ATP9A: variants seen among roughly 807,000 people sequenced by gnomAD.
The protein encoded by ATP9A is ATPase phospholipid transporting 9A.
In ATP9A, 52 loss-of-function variants were observed where a neutral mutation model predicts 144.1. The observed-to-expected ratio is 0.36, with a 90% CI of 0.29 to 0.45. The LOEUF (loss-of-function observed/expected upper bound fraction) is 0.45, where lower values mean the gene tolerates loss of function less well. Ranked by LOEUF, ATP9A falls within the 20% of genes least tolerant of loss-of-function variation. The pLI is 1.00. For missense variants in ATP9A, 947 were observed against 1,392.7 expected (o/e 0.68, Z 5.09); for synonymous variants, 582 against 557.4 (o/e 1.04, Z -0.62).
intron 1 of ATP9A, among the ~76,000 whole-genome samples, chr20:51,762,062 C>T (rs1470452544): frequency 1.3e-5 from 2 of 152,048 alleles, no homozygotes; most frequent in African/African-American, 2.4e-5. Flanking sequence ...CTTTTAAGGA[C>T]CCTGTGATAA....
intron 26 of ATP9A, among the ~76,000 whole-genome samples, chr20:51,605,230 C>T (rs2077158685): frequency 6.6e-6 from 1 of 151,846 alleles, no homozygotes; most frequent in Non-Finnish European, 1.5e-5. Context: ...TCTTTAACTA[C>T]AAAGTGAGAA....
At chr20:51,632,898 G>A (rs1420183150) in intron 15 of ATP9A, among the ~76,000 whole-genome samples, 1 of 152,144 alleles carries the variant, frequency 6.6e-6, no homozygotes, top group Non-Finnish European at 1.5e-5. Flanking sequence ...CGAGGCTGGT[G>A]GATCACCTGA....
At chr20:51,753,201 TAAGTA>T (rs1284395242) in intron 1 of ATP9A, among the ~76,000 whole-genome samples, 1 of 152,226 alleles carries the variant, frequency 6.6e-6, no homozygotes, top group African/African-American at 2.4e-5. Context: ...AGGCACTGGT[TAAGTA>T]AATTAGAGAT....
intron 1 of ATP9A, chr20:51,735,140 A>C (rs995615735): frequency 6.4e-6 from 1 of 155,224 alleles, no homozygotes; most frequent in African/African-American, 2.4e-5. Flanking sequence ...TGGGGTTGGT[A>C]TCTTCCTGTG....
chr20:51,730,147 T>G (rs2077734234), intron 1 of ATP9A, among the ~76,000 whole-genome samples, 169 bp from the exon 2 acceptor site: 1 of 152,108 alleles, frequency 6.6e-6, no homozygotes. Flanking sequence ...GAGCAGAAGC[T>G]CCCACGAAGC....
chr20:51,597,223 C>T lies in ATP9A; in HGVS notation c.*3988G>A, dbSNP rs2077123002. On this transcript the variant is annotated 3_prime_UTR_variant, in exon 28 of 28. Coordinates refer to ENST00000338821, the MANE Select transcript of ATP9A (RefSeq NM_006045.3). ...AGATTCACGGGTAATGCCGCTTTGGCCTGAGAAGATGCTTCGGAGCTCCAG... is the reference window on the plus strand; with the variant it reads ...AGATTCACGGGTAATGCCGCTTTGGTCTGAGAAGATGCTTCGGAGCTCCAG... The T allele has an allele frequency of 6.6e-6, 1 of 152,182 alleles. No individual in the cohort carries two copies. The highest frequency in any genetic ancestry group is 1.5e-5 in the Non-Finnish European group (1 of 68,052). 9.4% of individuals were successfully genotyped at this position (152,182 alleles called of 1,614,324 possible).
rs770731801 is a variant in ATP9A, at chr20:51,694,111, G to C, written c.548-9C>G. On this transcript the variant is annotated splice_polypyrimidine_tract_variant and intron_variant, in intron 6 of 27. Coordinates refer to ENST00000338821, the MANE Select transcript of ATP9A (RefSeq NM_006045.3). ...CCGCAAGAAGCATGACCCTGTGGAAGGAAGTCGGGTGCCGTCACCTGCACC... is the reference window on the plus strand; with the variant it reads ...CCGCAAGAAGCATGACCCTGTGGAACGAAGTCGGGTGCCGTCACCTGCACC... The C allele has an allele frequency of 6.2e-7, 1 of 1,613,438 alleles. No individual in the cohort carries two copies. The highest frequency in any genetic ancestry group is 8.5e-7 in the Non-Finnish European group (1 of 1,179,522).
intron 4 of ATP9A, among the ~76,000 whole-genome samples, chr20:51,709,212 A>G (rs577991868): frequency 2.0e-5 from 3 of 152,254 alleles, no homozygotes; most frequent in Non-Finnish European, 4.4e-5. Context: ...GGGGGAAACA[A>G]AAGTATTAAA....
chr20:51,760,056 A>G (rs2077872481), intron 1 of ATP9A, among the ~76,000 whole-genome samples: 2 of 152,106 alleles, frequency 1.3e-5, no homozygotes, highest in African/African-American at 4.8e-5. Flanking sequence ...TCTTACTGCC[A>G]CGATTTGTGC....
At position 51,737,551 on chromosome 20, in the gene ATP9A, G is replaced by C. The variant is rs1341211964; in HGVS notation, c.69-7573C>G. 2.0e-5 allele frequency among the ~76,000 whole-genome samples: 3 copies of C among 152,288 alleles called. No homozygotes were observed. In the South Asian group the frequency reaches 6.2e-4, roughly 32 times the overall value. On this transcript the variant is annotated intron_variant, in intron 1 of 27. Coordinates refer to ENST00000338821, the MANE Select transcript of ATP9A (RefSeq NM_006045.3). ...TACGTAACCCCAGTTGGACTAAGAAGCGTATTCACAGAAAAAGAATACAAA... is the reference window on the plus strand; with the variant it reads ...TACGTAACCCCAGTTGGACTAAGAACCGTATTCACAGAAAAAGAATACAAA...
chr20:51,661,798 C>A (rs1415128961), intron 13 of ATP9A, among the ~76,000 whole-genome samples: 3 of 111,102 alleles, frequency 2.7e-5, no homozygotes, highest in African/African-American at 8.6e-5. Flanking sequence ...AGGCTCAGAG[C>A]TACTACCTCC....
At chr20:51,612,450 A>G (rs1182630887) in intron 23 of ATP9A, among the ~76,000 whole-genome samples, 1 of 152,176 alleles carries the variant, frequency 6.6e-6, no homozygotes, top group Non-Finnish European at 1.5e-5. Flanking sequence ...TTTGAGATGG[A>G]GTCTCACTCT....
At chr20:51,753,350 C>T (rs567481181) in intron 1 of ATP9A, among the ~76,000 whole-genome samples, 33 of 152,112 alleles carry the variant, frequency 2.2e-4, no homozygotes, top group East Asian at 1.4e-3. Context: ...GAGGCAGAGG[C>T]GGAGGCAGGA....
At chr20:51,721,360 T>A (rs2077688189) in intron 3 of ATP9A, among the ~76,000 whole-genome samples, 2 of 152,214 alleles carry the variant, frequency 1.3e-5, no homozygotes, top group South Asian at 4.1e-4. Context: ...TCGGCTCATA[T>A]CTGTAATCCT....
intron 3 of ATP9A, 111 bp from the exon 4 acceptor site, chr20:51,713,185 A>AG (rs1298445864): frequency 5.7e-6 from 5 of 884,206 alleles, no homozygotes; most frequent in Non-Finnish European, 1.8e-6. Flanking sequence ...TTGGGAGGGC[A>AG]GGGGGGCAGG....
At chr20:51,692,671 G>T (rs918180490) in intron 7 of ATP9A, among the ~76,000 whole-genome samples, 1 of 152,062 alleles carries the variant, frequency 6.6e-6, no homozygotes, top group Non-Finnish European at 1.5e-5. Context: ...GCGTGGTGGC[G>T]GGTGCCTGTA....
At chr20:51,752,364 A>G (rs1471901928) in intron 1 of ATP9A, among the ~76,000 whole-genome samples, 3 of 152,264 alleles carry the variant, frequency 2.0e-5, no homozygotes, top group Admixed American at 2.0e-4. Context: ...CTTACAAGAA[A>G]AACTACTGTG....
chr20:51,677,114 T>G (rs2077480774), intron 9 of ATP9A, among the ~76,000 whole-genome samples: 1 of 150,226 alleles, frequency 6.7e-6, no homozygotes, highest in Non-Finnish European at 1.5e-5. Flanking sequence ...TTGTTTTTTT[T>G]GTAGAAATGA....
chr20:51,739,237 A>T (rs1019224042), intron 1 of ATP9A, among the ~76,000 whole-genome samples: 57 of 151,788 alleles, frequency 3.8e-4, no homozygotes, highest in Admixed American at 4.6e-4. Context: ...ATTGTCCCCA[A>T]CCAGGTCTGA....
Sources: gnomAD v4.1 joint callset for allele counts (sites outside exome capture counted in the v4.1 genomes callset) on GRCh38, gnomAD v4.1.1 for gene constraint, MANE v1.5 for transcripts, NCBI Gene and HGNC (gene_info 2026-07-23, HGNC 2026-07-21) for gene names.